Variants in FAM20A observed in about 807,000 individuals in gnomAD.
FAM20A encodes pseudokinase FAM20A.
A neutral mutation model predicts 52.0 loss-of-function variants in FAM20A; 42 were observed. The ratio of observed to expected loss-of-function variants is 0.81; its 90% CI spans 0.63 to 1.04. FAM20A has a LOEUF of 1.04. Ranked by LOEUF, FAM20A falls within the 50% of genes least tolerant of loss-of-function variation. FAM20A has a pLI of 0.00. For missense variants in FAM20A, 742 were observed against 712.7 expected (o/e 1.04, Z -0.47); for synonymous variants, 304 against 298.9 (o/e 1.02, Z -0.18).
At position 68,600,564 on chromosome 17, in the gene FAM20A, G is replaced by A. The variant is rs372884714; in HGVS notation, c.103C>T (p.Leu35=). 1.5e-5 allele frequency: 24 copies of A among 1,557,536 alleles called. No individual in the cohort carries two copies. The highest frequency in any genetic ancestry group is 1.9e-4 in the Middle Eastern group (1 of 5,358). Residue 35 remains leucine, a synonymous_variant, in exon 1 of 11, where the codon CTG becomes TTG. Transcript: ENST00000592554. The surrounding 1 kb of genome is among the most constrained non-coding windows in gnomAD (Gnocchi z 6.2). ...FHLWPQVQRQ[L]RPRERPRGCP... ...CCCCGCGGGCGCTCCCGAGGCCGCA[G>A]CTGGCGCTGTACTTGGGGCCAGAGG... is the stretch of plus-strand genomic sequence containing the variant.
At chr17:68,573,601 TC>T (rs2087638225) in intron 1 of FAM20A, among the ~76,000 whole-genome samples, 1 of 145,826 alleles carries the variant, frequency 6.9e-6, no homozygotes, top group Non-Finnish European at 1.5e-5. Flanking sequence ...CCTTTCTTTC[TC>T]TCTCTTTTCT....
At chr17:68,581,518 C>T (rs549361196) in intron 1 of FAM20A, among the ~76,000 whole-genome samples, 1 of 124,260 alleles carries the variant, frequency 8.0e-6, no homozygotes, top group African/African-American at 3.0e-5. Flanking sequence ...TCTTTCTCTC[C>T]TTTCTTTCTC....
chr17:68,582,701 C>T (rs2088043072), intron 1 of FAM20A: 1 of 151,184 alleles, frequency 6.6e-6, no homozygotes, highest in African/African-American at 2.4e-5. Context: ...TTACATCCCA[C>T]TTTATAGACC....
chr17:68,581,403 T>TTTCTTTCTTTC (rs1362447797), intron 1 of FAM20A, among the ~76,000 whole-genome samples: 1 of 147,680 alleles, frequency 6.8e-6, no homozygotes, highest in Non-Finnish European at 1.5e-5. Flanking sequence ...TCTTTCTTTC[T>TTTCTTTCTTTC]TTCTTTCTTT....
chr17:68,581,352 TTCTTTCTTTCTTTC>T (rs1568773688), intron 1 of FAM20A, among the ~76,000 whole-genome samples: 2 of 85,226 alleles, frequency 2.3e-5, no homozygotes, highest in African/African-American at 8.6e-5. Flanking sequence ...AATGCAGTTT[TTCTTTCTTTCTTTC>T]TTTCTTTCTT....
At chr17:68,574,125 A>C (rs1306705949) in intron 1 of FAM20A, among the ~76,000 whole-genome samples, 2 of 151,512 alleles carry the variant, frequency 1.3e-5, no homozygotes, top group African/African-American at 4.9e-5. Context: ...ACTGCAGTGG[A>C]GCTATCATGG....
At chr17:68,542,640 ACT>A (rs2086355336) in intron 6 of FAM20A, 52 bp downstream of exon 6, 5 of 1,355,546 alleles carry the variant, frequency 3.7e-6, no homozygotes, top group Non-Finnish European at 5.3e-6. Flanking sequence ...AGGGGTGGAC[ACT>A]CTGGCTTACG....
intron 4 of FAM20A, chr17:68,550,942 G>C (rs1484903028): frequency 1.2e-5 from 7 of 591,464 alleles, no homozygotes; most frequent in African/African-American, 2.0e-5. Flanking sequence ...CCATCTACTG[G>C]GGCTCTCAAT....
In FAM20A at chr17:68,537,013, C is replaced by T. The variant is rs1568714369; in HGVS notation, c.*464G>A. The T allele has an allele frequency of 4.4e-6, 2 of 455,220 alleles. No homozygotes were observed. Among genetic ancestry groups the T allele is most frequent in the Non-Finnish European group, 8.8e-6 (2 of 227,574 alleles). 28.2% of individuals were successfully genotyped at this position (455,220 alleles called of 1,614,324 possible). A position where few individuals can be genotyped will look rare whatever the true frequency, so the allele number is the denominator to read the frequency against. The stretch of plus-strand genomic sequence containing the variant: ...CCTGTCAGAGTTACTGTTGCCTGCG[C>T]TGGCCCAAAGTGCAGATTTTTAGTC... On this transcript the variant is annotated 3_prime_UTR_variant, in exon 11 of 11. Coordinates refer to ENST00000592554, the MANE Select transcript of FAM20A (RefSeq NM_017565.4). The surrounding 1 kb of genome is among the most constrained non-coding windows in gnomAD (Gnocchi z 4.2).
chr17:68,573,683 C>CT (rs1415902307), intron 1 of FAM20A, among the ~76,000 whole-genome samples: 10 of 140,380 alleles, frequency 7.1e-5, no homozygotes, highest in South Asian at 4.6e-4. Context: ...TTTCTTTTCT[C>CT]TTTTTTTTTC....
chr17:68,589,700 ATAT>A lies in FAM20A; in HGVS notation c.404+10560_404+10562del, dbSNP rs200621598. Reference sequence around the variant, plus strand: ...AAGTGGCAGCTTCTTTTCAAAAGAAATATTATACAGAAACTTCAATGTATGAAA... The same window carrying A: ...AAGTGGCAGCTTCTTTTCAAAAGAAATATACAGAAACTTCAATGTATGAAA... On this transcript the variant is annotated intron_variant, in intron 1 of 10. Transcript: ENST00000592554. Among the ~76,000 whole-genome samples, 758 of 152,332 alleles carry A rather than the reference ATAT, an allele frequency of 5.0e-3. 20 individuals are homozygous for A. Among genetic ancestry groups the A allele is most frequent in the Admixed American group, 0.045 (693 of 15,304 alleles).
chr17:68,591,241 G>A (rs1421065264), intron 1 of FAM20A, among the ~76,000 whole-genome samples: 2 of 152,182 alleles, frequency 1.3e-5, no homozygotes, highest in African/African-American at 4.8e-5. Flanking sequence ...CGAGTAGCTG[G>A]GCGCCCGCCG....
chr17:68,579,434 C>T (rs1474501608), intron 1 of FAM20A, among the ~76,000 whole-genome samples: 1 of 152,090 alleles, frequency 6.6e-6, no homozygotes, highest in Non-Finnish European at 1.5e-5. Context: ...ATGACTCAGA[C>T]TAAATTTCTA....
At chr17:68,589,304 G>A (rs1189227584) in intron 1 of FAM20A, among the ~76,000 whole-genome samples, 3 of 152,158 alleles carry the variant, frequency 2.0e-5, no homozygotes, top group Non-Finnish European at 4.4e-5. Context: ...AGACACCTGA[G>A]TAAGTCCAGT....
chr17:68,544,012 A>G (rs1212766865), intron 4 of FAM20A, among the ~76,000 whole-genome samples: 1 of 152,162 alleles, frequency 6.6e-6, no homozygotes, highest in East Asian at 1.9e-4. Context: ...TTCAAAACCC[A>G]GCAGTTGAGA....
chr17:68,586,961 G>A (rs1008141777), intron 1 of FAM20A, among the ~76,000 whole-genome samples: 25 of 151,844 alleles, frequency 1.6e-4, no homozygotes, highest in African/African-American at 2.4e-4. Context: ...GTGTGATGTC[G>A]TTCACTGCAA....
chr17:68,564,457 A>G (rs2087315564), intron 1 of FAM20A, among the ~76,000 whole-genome samples: 1 of 152,224 alleles, frequency 6.6e-6, no homozygotes, highest in Non-Finnish European at 1.5e-5. Flanking sequence ...CCAGCTTTGC[A>G]AGCCACTGCA....
At chr17:68,540,203 CT>C (rs2086226306) in intron 8 of FAM20A, among the ~76,000 whole-genome samples, 1 of 152,204 alleles carries the variant, frequency 6.6e-6, no homozygotes, top group Admixed American at 6.5e-5. Context: ...GCTTTCACCC[CT>C]GCCCCTGCCC....
intron 1 of FAM20A, chr17:68,558,251 C>T (rs1485609005): frequency 2.7e-6 from 1 of 377,020 alleles, no homozygotes; most frequent in African/African-American, 2.1e-5. Context: ...AAGGAGGACC[C>T]CTGAGCTGCT....
Sources: gnomAD v4.1 joint callset for allele counts (sites outside exome capture counted in the v4.1 genomes callset) on GRCh38, gnomAD v4.1.1 for gene constraint, Gnocchi (gnomAD v3.1) non-coding constraint, MANE v1.5 for transcripts, NCBI Gene and HGNC (gene_info 2026-07-23, HGNC 2026-07-21) for gene names.